KIAA1549L: variants seen among roughly 807,000 people sequenced by gnomAD.
KIAA1549L encodes KIAA1549 like.
Under a neutral mutation model 160.7 loss-of-function variants are expected in KIAA1549L, and 88 were observed. The observed-to-expected ratio is 0.55, with a 90% CI of 0.46 to 0.65. KIAA1549L has a LOEUF of 0.65. Among genes scored for constraint, KIAA1549L ranks in the 30% least tolerant of loss-of-function variants. KIAA1549L has a pLI of 0.00. For synonymous variants in KIAA1549L, 950 were observed against 976.7 expected (o/e 0.97, Z 0.51); for missense variants, 2,258 against 2,437.5 (o/e 0.93, Z 1.55).
At chr11:33,490,470 T>A (rs916499770) in intron 1 of KIAA1549L, among the ~76,000 whole-genome samples, 12 of 151,992 alleles carry the variant, frequency 7.9e-5, no homozygotes, top group African/African-American at 2.4e-4. Flanking sequence ...ACCACAGGTG[T>A]GTGCCACCAT....
rs867841384 is a variant in KIAA1549L, at chr11:33,671,649, A to T, written c.*3495A>T. The T allele has an allele frequency of 1.3e-5, 2 of 150,012 alleles. No homozygotes were observed. The highest frequency in any genetic ancestry group is 2.4e-5 in the African/African-American group (1 of 40,864). The allele number at this position is 150,012 out of a possible 1,614,324, so 9.3% of individuals were successfully genotyped here. On this transcript the variant is annotated 3_prime_UTR_variant, in exon 21 of 21. Transcript: ENST00000658780. The stretch of plus-strand genomic sequence containing the variant: ...TCGGAGAGAGAATGTAGAATGGAGG[A>T]GGTGAGGAATTTAACTAATAGAGAT...
At chr11:33,483,725 T>G (rs147072998) in intron 1 of KIAA1549L, among the ~76,000 whole-genome samples, 1 of 152,182 alleles carries the variant, frequency 6.6e-6, no homozygotes, top group Non-Finnish European at 1.5e-5. Context: ...TCTTATGAGC[T>G]CTGATGGTTT....
At chr11:33,424,521 A>T (rs1851080328) in intron 1 of KIAA1549L, among the ~76,000 whole-genome samples, 1 of 152,216 alleles carries the variant, frequency 6.6e-6, no homozygotes. Flanking sequence ...AAAATACAGC[A>T]TTGACATGGT....
At chr11:33,473,292 A>G (rs1218587379) in intron 1 of KIAA1549L, among the ~76,000 whole-genome samples, 1 of 152,156 alleles carries the variant, frequency 6.6e-6, no homozygotes, top group Non-Finnish European at 1.5e-5. Context: ...GCAAGTGGAA[A>G]TTTTAATGTA....
intron 5 of KIAA1549L, among the ~76,000 whole-genome samples, chr11:33,551,885 TG>T (rs144942970): frequency 0.02 from 2,978 of 152,330 alleles, 102 homozygotes; most frequent in African/African-American, 0.068. Flanking sequence ...TCTTTTGCAT[TG>T]GAGGGAATCT....
intron 12 of KIAA1549L, among the ~76,000 whole-genome samples, chr11:33,596,716 G>T (rs1850210621): frequency 6.6e-6 from 1 of 152,226 alleles, no homozygotes; most frequent in African/African-American, 2.4e-5. Flanking sequence ...TCCAGGCTGG[G>T]TGACAGATCA....
rs1292448967 is a variant in KIAA1549L at position 33,671,427 on chromosome 11, A to C, written c.*3273A>C. Reference sequence around the variant, plus strand: ...GGCAGCTGTTACCTACAGAGCAAGGAGTTTCCTCTTTCAGGGTAGATTATG... The same window carrying C: ...GGCAGCTGTTACCTACAGAGCAAGGCGTTTCCTCTTTCAGGGTAGATTATG... On this transcript the variant is annotated 3_prime_UTR_variant, in exon 21 of 21. Coordinates refer to ENST00000658780, the MANE Select transcript of KIAA1549L (RefSeq NM_012194.3). 2.0e-5 allele frequency: 3 copies of C among 152,190 alleles called. No homozygotes were observed. Among genetic ancestry groups the C allele is most frequent in the Non-Finnish European group, 4.4e-5 (3 of 68,040 alleles). The allele number at this position is 152,190 out of a possible 1,614,324, so 9.4% of individuals were successfully genotyped here. A position where few individuals can be genotyped will look rare whatever the true frequency, so the allele number is the denominator to read the frequency against.
At chr11:33,612,520 G>A (rs1850673994) in intron 15 of KIAA1549L, among the ~76,000 whole-genome samples, 1 of 152,134 alleles carries the variant, frequency 6.6e-6, no homozygotes, top group Non-Finnish European at 1.5e-5. Flanking sequence ...GCCTTCCAGA[G>A]TGCTGGGATT....
At chr11:33,421,367 T>G (rs1411168904) in intron 1 of KIAA1549L, among the ~76,000 whole-genome samples, 1 of 152,174 alleles carries the variant, frequency 6.6e-6, no homozygotes, top group Non-Finnish European at 1.5e-5. Flanking sequence ...TGACAGGAGC[T>G]TTTAGATTTC....
intron 1 of KIAA1549L, among the ~76,000 whole-genome samples, chr11:33,530,633 G>T (rs1046923302): frequency 6.6e-6 from 1 of 151,458 alleles, no homozygotes; most frequent in African/African-American, 2.4e-5. Flanking sequence ...AGTCCCATTG[G>T]TTTACTTTTC....
At chr11:33,501,766 A>G (rs562327201) in intron 1 of KIAA1549L, among the ~76,000 whole-genome samples, 2 of 152,324 alleles carry the variant, frequency 1.3e-5, no homozygotes, top group East Asian at 1.9e-4. Flanking sequence ...CACTACTCTG[A>G]GTATCTTACC....
At position 33,633,139 on chromosome 11, in the gene KIAA1549L, C is replaced by CTTTTTTTTT. The variant is rs56310347; in HGVS notation, c.5410-12524_5410-12516dup. On this transcript the variant is annotated intron_variant, in intron 16 of 20. Transcript: ENST00000658780. ...GACAGGTGCCCACCACCATGCCCAG[C>CTTTTTTTTT]TTTTTTTTTTTTTTTTTTTTTTTTT... 4.7e-3 allele frequency among the ~76,000 whole-genome samples: 239 copies of CTTTTTTTTT among 50,744 alleles called. 7 individuals carry two copies. The highest frequency in any genetic ancestry group is 0.01 in the African/African-American group (118 of 11,782). The allele number at this position is 50,744 out of a possible 152,430, so 33.3% of individuals were successfully genotyped here. A position where few individuals can be genotyped will look rare whatever the true frequency, so the allele number is the denominator to read the frequency against.
chr11:33,499,932 C>T (rs913156461), intron 1 of KIAA1549L, among the ~76,000 whole-genome samples: 2 of 152,138 alleles, frequency 1.3e-5, no homozygotes, highest in Non-Finnish European at 2.9e-5. Context: ...GCTTTCAAGG[C>T]TCTCTGGAGT....
chr11:33,667,734 A>G (rs1001818734), intron 20 of KIAA1549L, 139 bp from the exon 21 acceptor site: 4 of 702,262 alleles, frequency 5.7e-6, no homozygotes, highest in African/African-American at 3.6e-5. Flanking sequence ...TATCTATACA[A>G]TGGTATGTGG....
chr11:33,488,964 A>C (rs1276624941), intron 1 of KIAA1549L, among the ~76,000 whole-genome samples: 2 of 152,232 alleles, frequency 1.3e-5, no homozygotes, highest in African/African-American at 2.4e-5. Flanking sequence ...TTCACAGTTT[A>C]CAGTACATTT....
chr11:33,490,561 G>A (rs1852634470), intron 1 of KIAA1549L, among the ~76,000 whole-genome samples: 1 of 152,118 alleles, frequency 6.6e-6, no homozygotes, highest in South Asian at 2.1e-4. Context: ...CTGAGCTCAA[G>A]CAGTCTGCTG....
At chr11:33,503,989 C>CA (rs927975720) in intron 1 of KIAA1549L, among the ~76,000 whole-genome samples, 1 of 152,216 alleles carries the variant, frequency 6.6e-6, no homozygotes, top group African/African-American at 2.4e-5. Context: ...CAGCTGGGCA[C>CA]AGTGGCTCAT....
At chr11:33,526,713 A>G (rs1853621553) in intron 1 of KIAA1549L, among the ~76,000 whole-genome samples, 2 of 152,174 alleles carry the variant, frequency 1.3e-5, no homozygotes, top group Non-Finnish European at 2.9e-5. Flanking sequence ...AATAAGAAGG[A>G]ACTATAAAAG....
chr11:33,595,827 C>T (rs961506673), intron 12 of KIAA1549L, among the ~76,000 whole-genome samples: 3 of 152,044 alleles, frequency 2.0e-5, no homozygotes, highest in Non-Finnish European at 4.4e-5. Context: ...CAGGAGAAAC[C>T]GGTGGTTTGA....
Sources: allele counts gnomAD v4.1 joint callset (sites outside exome capture counted in the v4.1 genomes callset), GRCh38; gene constraint gnomAD v4.1.1; transcripts MANE v1.5; gene names NCBI Gene and HGNC (gene_info 2026-07-23, HGNC 2026-07-21).